Variants in KCNH7 observed in about 807,000 individuals in gnomAD.
KCNH7 encodes the protein voltage-gated inwardly rectifying potassium channel KCNH7.
KCNH7 carries 49 observed loss-of-function variants against 120.8 expected under a neutral mutation model. The ratio of observed to expected loss-of-function variants is 0.41; its 90% CI spans 0.32 to 0.51. The LOEUF (loss-of-function observed/expected upper bound fraction) is 0.51. Among genes scored for constraint, KCNH7 ranks in the 20% least tolerant of loss-of-function variants. The probability of loss-of-function intolerance (pLI) is 0.38; values close to 1 mark genes in which losing one functional copy is unlikely to be tolerated. For synonymous variants in KCNH7, 547 were observed against 516.1 expected, an observed-to-expected ratio of 1.06 and a Z score of -0.81; for missense variants, 1,097 against 1,446.6, an observed-to-expected ratio of 0.76 and a Z score of 3.92.
intron 8 of KCNH7, among the ~76,000 whole-genome samples, chr2:162,426,253 T>C (rs939562886): frequency 7.9e-5 from 12 of 151,854 alleles, no homozygotes; most frequent in African/African-American, 2.9e-4. Flanking sequence ...GAAATACTTA[T>C]TTTTAGGAAA....
chr2:162,798,993 A>C (rs1684245647), intron 2 of KCNH7, among the ~76,000 whole-genome samples: 1 of 152,024 alleles, frequency 6.6e-6, no homozygotes, highest in African/African-American at 2.4e-5. Context: ...ACTGTGCAAC[A>C]CTTCTAGACA....
chr2:162,695,668 A>AG (rs1559086140), intron 2 of KCNH7, among the ~76,000 whole-genome samples: 3 of 152,130 alleles, frequency 2.0e-5, no homozygotes, highest in Non-Finnish European at 2.9e-5. Context: ...TATAATGGTG[A>AG]GTGGAGCAAG....
intron 2 of KCNH7, among the ~76,000 whole-genome samples, chr2:162,601,889 T>G (rs545598321): frequency 2.6e-5 from 4 of 152,196 alleles, no homozygotes; most frequent in African/African-American, 9.6e-5. Context: ...ATGTCAATTT[T>G]AAGAATAAAA....
intron 2 of KCNH7, among the ~76,000 whole-genome samples, chr2:162,625,572 G>A (rs1683523356): frequency 6.6e-6 from 1 of 152,114 alleles, no homozygotes; most frequent in Non-Finnish European, 1.5e-5. Flanking sequence ...AGGATGCTTT[G>A]TAGTTATTGC....
intron 2 of KCNH7, among the ~76,000 whole-genome samples, chr2:162,603,340 G>C (rs775995429): frequency 7.3e-5 from 11 of 151,718 alleles, no homozygotes; most frequent in Admixed American, 1.3e-4. Flanking sequence ...TTTCTGTGAG[G>C]GTATTAATGT....
intron 2 of KCNH7, among the ~76,000 whole-genome samples, chr2:162,540,876 C>T (rs1284954282): frequency 6.6e-6 from 1 of 152,060 alleles, no homozygotes; most frequent in Non-Finnish European, 1.5e-5. Context: ...CTGCAATACT[C>T]TTGGTAAGCC....
chr2:162,409,675 G>T (rs1687328711), intron 9 of KCNH7, among the ~76,000 whole-genome samples: 1 of 151,880 alleles, frequency 6.6e-6, no homozygotes, highest in Admixed American at 6.6e-5. Context: ...TCTGTATCTA[G>T]AAAATGCTAT....
chr2:162,678,315 A>G (rs1051766069), intron 2 of KCNH7, among the ~76,000 whole-genome samples: 2 of 151,410 alleles, frequency 1.3e-5, no homozygotes, highest in Non-Finnish European at 3.0e-5. Flanking sequence ...TACTCTTATT[A>G]TAACATTTAG....
intron 6 of KCNH7, among the ~76,000 whole-genome samples, chr2:162,451,447 A>G (rs1337960403): frequency 6.6e-6 from 1 of 152,052 alleles, no homozygotes; most frequent in African/African-American, 2.4e-5. Context: ...TCAAACCAAA[A>G]CATAGTGACC....
chr2:162,835,568 A>T (rs902785577), intron 2 of KCNH7, among the ~76,000 whole-genome samples: 2 of 152,176 alleles, frequency 1.3e-5, no homozygotes, highest in African/African-American at 4.8e-5. Context: ...TCAATTTTTT[A>T]AAGTAATTTT....
At chr2:162,816,317 T>C (rs1454569769) in intron 2 of KCNH7, among the ~76,000 whole-genome samples, 1 of 150,290 alleles carries the variant, frequency 6.7e-6, no homozygotes, top group East Asian at 2.0e-4. Flanking sequence ...CTTACATTCC[T>C]ATCATTTCAG....
chr2:162,672,042 A>G (rs1313926554), intron 2 of KCNH7, among the ~76,000 whole-genome samples: 1 of 152,134 alleles, frequency 6.6e-6, no homozygotes, highest in Non-Finnish European at 1.5e-5. Context: ...ATATACTTCA[A>G]TAAACATAAA....
chr2:162,654,091 A>ATTT (rs201629891), intron 2 of KCNH7, among the ~76,000 whole-genome samples: 1 of 146,478 alleles, frequency 6.8e-6, no homozygotes, highest in African/African-American at 2.5e-5. Flanking sequence ...GTGAGCAATG[A>ATTT]TTTTTTTTTT....
intron 2 of KCNH7, among the ~76,000 whole-genome samples, chr2:162,827,289 A>G (rs373707624): frequency 6.6e-6 from 1 of 152,096 alleles, no homozygotes; most frequent in African/African-American, 2.4e-5. Flanking sequence ...GACACCATGT[A>G]TGTCCCTGCT....
intron 2 of KCNH7, among the ~76,000 whole-genome samples, chr2:162,819,674 C>T (rs375453833): frequency 1.3e-5 from 2 of 152,130 alleles, no homozygotes; most frequent in African/African-American, 4.8e-5. Context: ...TTCTACACTC[C>T]TTGGCTTGTT....
intron 2 of KCNH7, among the ~76,000 whole-genome samples, chr2:162,593,797 C>T (rs924168766): frequency 6.6e-6 from 1 of 151,930 alleles, no homozygotes; most frequent in Non-Finnish European, 1.5e-5. Flanking sequence ...GCTTGAGTAT[C>T]CCTAATCCAT....
intron 2 of KCNH7, among the ~76,000 whole-genome samples, chr2:162,751,206 G>A (rs1688535665): frequency 1.3e-5 from 2 of 152,084 alleles, no homozygotes; most frequent in Non-Finnish European, 2.9e-5. Flanking sequence ...GTTTTTCCAA[G>A]AATGGATTAA....
intron 2 of KCNH7, among the ~76,000 whole-genome samples, chr2:162,714,460 T>C (rs1687039931): frequency 6.6e-6 from 1 of 152,188 alleles, no homozygotes. Flanking sequence ...ATATTTCTAG[T>C]CAAAGTCACA....
chr2:162,583,336 T>C (rs1311106372), intron 2 of KCNH7, among the ~76,000 whole-genome samples: 1 of 152,080 alleles, frequency 6.6e-6, no homozygotes, highest in African/African-American at 2.4e-5. Context: ...CATGTACAAG[T>C]AGTAAAAATT....
Sources: allele counts gnomAD v4.1 joint callset (sites outside exome capture counted in the v4.1 genomes callset), GRCh38; gene constraint gnomAD v4.1.1; transcripts MANE v1.5; gene names NCBI Gene and HGNC (gene_info 2026-07-23, HGNC 2026-07-21).